PCLO: variants seen among roughly 807,000 people sequenced by gnomAD.
The protein encoded by PCLO is piccolo presynaptic cytomatrix protein, also known as protein piccolo.
PCLO carries 82 observed loss-of-function variants against 427.5 expected under a neutral mutation model. That is an observed-to-expected ratio of 0.19 (90% CI 0.16 to 0.23). The LOEUF is 0.23. PCLO is among the 10% of genes least tolerant of loss of function. The pLI is 1.00. For synonymous variants in PCLO, 2,357 were observed against 2,155.4 expected (o/e 1.09, Z -2.59); for missense variants, 6,239 against 6,115.9 (o/e 1.02, Z -0.67).
rs563752292 is a variant in PCLO, at chr7:83,035,530, T to C, written c.3301-69043A>G. On this transcript the variant is annotated intron_variant, in intron 3 of 24. Coordinates refer to ENST00000333891, the MANE Select transcript of PCLO (RefSeq NM_033026.6). The stretch of plus-strand genomic sequence containing the variant: ...AACATTACAGTGTATTGCTCTGTAG[T>C]ATATTAACTGGTTTTATGTCCATTA... 3.9e-5 allele frequency among the ~76,000 whole-genome samples: 6 copies of C among 152,266 alleles called. No homozygotes were observed. In the South Asian group the frequency reaches 8.3e-4, roughly 21 times the overall value.
chr7:82,884,457 A>G (rs1291492469), intron 9 of PCLO, among the ~76,000 whole-genome samples: 1 of 152,228 alleles, frequency 6.6e-6, no homozygotes, highest in Non-Finnish European at 1.5e-5. Context: ...GACTTGGAAT[A>G]ATTCCTACCA....
In PCLO at chr7:83,003,332, CCT is replaced by C. The variant is rs559246976; in HGVS notation, c.3301-36847_3301-36846del. Reference sequence around the variant, plus strand: ...AGAAAAGACTAAGAATAAAATATTCCCTGTGTTTATAGTCAAGATTTCTTATA... The same window carrying C: ...AGAAAAGACTAAGAATAAAATATTCCGTGTTTATAGTCAAGATTTCTTATA... On this transcript the variant is annotated intron_variant, in intron 3 of 24. Coordinates refer to ENST00000333891, the MANE Select transcript of PCLO (RefSeq NM_033026.6). Among the ~76,000 whole-genome samples, 169 of 150,680 alleles carry C rather than the reference CCT, an allele frequency of 1.1e-3. 1 individual carries two copies. Among genetic ancestry groups the C allele is most frequent in the African/African-American group, 3.9e-3 (159 of 41,172 alleles).
In PCLO at chr7:82,916,507, C is replaced by A; in HGVS notation, c.11479G>T (p.Val3827Leu). The A allele has an allele frequency of 6.2e-7, 1 of 1,613,716 alleles. No individual in the cohort carries two copies. The highest frequency in any genetic ancestry group is 8.5e-7 in the Non-Finnish European group (1 of 1,179,756). Residue 3827 changes from valine (V) to leucine (L), a missense_variant, in exon 7 of 25, where the codon GTA (valine) becomes TTA (leucine). Around this residue, in one of 5 missense-constraint regions of PCLO, gnomAD observed 680 missense variants for 677.3 expected, o/e 1.00. Coordinates refer to ENST00000333891, the MANE Select transcript of PCLO (RefSeq NM_033026.6). The stretch of plus-strand genomic sequence containing the variant: ...GACATGTAATCACGATCCTCAGCTA[C>A]TCCCTGGAGGTAGGCTCGTTCTCTC... ...EKRERAYLQG[V>L]AEDRDYMSDS...
At chr7:82,888,903 T>C (rs1371798368) in intron 9 of PCLO, among the ~76,000 whole-genome samples, 1 of 152,180 alleles carries the variant, frequency 6.6e-6, no homozygotes, top group African/African-American at 2.4e-5. Context: ...AGATGCTGCG[T>C]AATTTTCTGG....
chr7:83,036,609 G>A (rs1788802819), intron 3 of PCLO, among the ~76,000 whole-genome samples: 1 of 152,100 alleles, frequency 6.6e-6, no homozygotes, highest in East Asian at 1.9e-4. Context: ...GTTGGGGGGT[G>A]ACCTCAGTAT....
chr7:82,873,415 C>T lies in PCLO; in HGVS notation c.13654+5922G>A, dbSNP rs191706735. 5.3e-5 allele frequency among the ~76,000 whole-genome samples: 8 copies of T among 152,032 alleles called. No individual in the cohort carries two copies. In the East Asian group the frequency reaches 1.2e-3, roughly 22 times the overall value. On this transcript the variant is annotated intron_variant, in intron 10 of 24. Transcript: ENST00000333891. ...AAAAGTAGGAATAAGCTATGTGAGT[C>T]TTATACGGCAATTTTGCTGACTGGG...
intron 3 of PCLO, among the ~76,000 whole-genome samples, chr7:83,043,684 C>G (rs1197382380): frequency 2.0e-5 from 3 of 152,096 alleles, no homozygotes; most frequent in African/African-American, 7.2e-5. Flanking sequence ...ACCAGACTTC[C>G]TGCATTTACA....
At chr7:82,976,069 G>C (rs959096952) in intron 3 of PCLO, among the ~76,000 whole-genome samples, 2 of 152,312 alleles carry the variant, frequency 1.3e-5, no homozygotes, top group South Asian at 4.1e-4. Context: ...ATGGGATTTG[G>C]CAGGTAGTAG....
At chr7:82,859,583 C>T (rs901950795) in intron 10 of PCLO, among the ~76,000 whole-genome samples, 5 of 152,234 alleles carry the variant, frequency 3.3e-5, no homozygotes, top group African/African-American at 9.6e-5. Flanking sequence ...ATAGCTTAGA[C>T]CATAACACCA....
chr7:83,161,519 A>G (rs943198253), intron 1 of PCLO, among the ~76,000 whole-genome samples: 1 of 152,244 alleles, frequency 6.6e-6, no homozygotes, highest in Non-Finnish European at 1.5e-5. Flanking sequence ...GGAGAGTTAC[A>G]GGCGGAAATG....
At chr7:83,000,268 T>TGA (rs145445022) in intron 3 of PCLO, among the ~76,000 whole-genome samples, 3,467 of 53,910 alleles carry the variant, frequency 0.064, 32 homozygotes, top group East Asian at 0.35. Context: ...TTCAAAGTGT[T>TGA]GAGAGAGAGA....
intron 3 of PCLO, among the ~76,000 whole-genome samples, chr7:83,010,465 C>A (rs1485715546): frequency 6.6e-6 from 1 of 151,742 alleles, no homozygotes; most frequent in Non-Finnish European, 1.5e-5. Flanking sequence ...AATTATCCTT[C>A]ACTTAAGACC....
chr7:82,965,539 A>C (rs1200364451), intron 4 of PCLO, among the ~76,000 whole-genome samples: 1 of 152,144 alleles, frequency 6.6e-6, no homozygotes, highest in East Asian at 1.9e-4. Context: ...TTTGATAGGC[A>C]TAAGAAACAG....
At chr7:82,850,028 A>G (rs1022015090) in intron 10 of PCLO, among the ~76,000 whole-genome samples, 5 of 151,940 alleles carry the variant, frequency 3.3e-5, no homozygotes, top group Admixed American at 6.6e-5. Flanking sequence ...TTATTTTTTG[A>G]GACAGGGTCT....
intron 3 of PCLO, among the ~76,000 whole-genome samples, chr7:83,091,869 GAATAA>G (rs1399611958): frequency 6.6e-6 from 1 of 152,068 alleles, no homozygotes; most frequent in East Asian, 1.9e-4. Flanking sequence ...CTGGTTTAGT[GAATAA>G]AATAAATCTC....
At chr7:82,883,059 C>T (rs1389057934) in intron 9 of PCLO, among the ~76,000 whole-genome samples, 9 of 151,980 alleles carry the variant, frequency 5.9e-5, no homozygotes, top group Non-Finnish European at 4.4e-5. Context: ...ATCTAAGCAT[C>T]AACGGAAAGC....
chr7:82,833,844 A>G (rs1000532850), intron 16 of PCLO, among the ~76,000 whole-genome samples: 1 of 152,128 alleles, frequency 6.6e-6, no homozygotes, highest in Non-Finnish European at 1.5e-5. Context: ...CATGTATTTC[A>G]CAGAAGGCCT....
At chr7:82,977,126 C>A (rs1796035082) in intron 3 of PCLO, among the ~76,000 whole-genome samples, 1 of 151,914 alleles carries the variant, frequency 6.6e-6, no homozygotes, top group African/African-American at 2.4e-5. Context: ...AGAACAGTGC[C>A]AATATTATCT....
At chr7:83,021,400 AT>A (rs1788338533) in intron 3 of PCLO, among the ~76,000 whole-genome samples, 1 of 152,086 alleles carries the variant, frequency 6.6e-6, no homozygotes, top group Admixed American at 6.6e-5. Context: ...TGATTTTCCC[AT>A]TTATTGGCAC....
Sources: gnomAD v4.1 joint callset for allele counts (sites outside exome capture counted in the v4.1 genomes callset) on GRCh38, gnomAD v4.1.1 for gene constraint, gnomAD v4.1.1 regional missense constraint, MANE v1.5 for transcripts, NCBI Gene and HGNC (gene_info 2026-07-23, HGNC 2026-07-21) for gene names.